PNRC1: variants seen among roughly 807,000 people sequenced by gnomAD.
PNRC1 encodes the protein proline-rich nuclear receptor coactivator 1.
PNRC1 carries 6 observed loss-of-function variants against 20.2 expected under a neutral mutation model. The observed-to-expected ratio is 0.30, with a 90% confidence interval of 0.16 to 0.59. The LOEUF is 0.59. Ranked by LOEUF, PNRC1 falls within the 20% of genes least tolerant of loss-of-function variation. PNRC1 has a pLI of 0.89. For synonymous variants in PNRC1, 202 were observed against 186.9 expected (o/e 1.08, Z -0.66); for missense variants, 488 against 430.2 (o/e 1.13, Z -1.19).
Position 89,084,134 on chromosome 6 carries a change from T to A in PNRC1, c.922T>A (p.Ser308Thr), listed in dbSNP as rs776864340. The A allele has an allele frequency of 6.2e-6, 10 of 1,610,492 alleles. No homozygotes were observed. The highest frequency in any genetic ancestry group is 6.8e-6 in the Non-Finnish European group (8 of 1,179,082). The change falls in exon 2 of 2, where the codon TCC becomes ACC. Residue 308 changes from serine (S) to threonine (T), a missense_variant. Physicochemically the swap from Ser to Thr is moderately conservative, Grantham distance 58. Coordinates refer to ENST00000336032, the MANE Select transcript of PNRC1 (RefSeq NM_006813.3). Reference sequence around the variant, plus strand: ...CTGGATGGGAAGCACTGTTGAAAATTCCAACCAAAACAGGGAGCTGATGGC... The same window carrying A: ...CTGGATGGGAAGCACTGTTGAAAATACCAACCAAAACAGGGAGCTGATGGC... ...SHWMGSTVENSNQNRELMAVH... is the reference protein window; with the variant it reads ...SHWMGSTVENTNQNRELMAVH...
chr6:89,081,306 C>T lies in PNRC1; in HGVS notation c.412C>T (p.Gln138Ter). The change falls in exon 1 of 2, where the codon CAG becomes TAG. Residue 138 changes from glutamine (Q) to a stop codon, truncating the protein, a stop_gained. Coordinates refer to ENST00000336032, the MANE Select transcript of PNRC1 (RefSeq NM_006813.3). LOFTEE classifies it high-confidence loss of function. ...RSPATGPSGA[Q>*]EVPGPAAALA... ...CCCCGCGACCGGCCCGAGCGGAGCG[C>T]AGGAGGTCCCGGGCCCGGCCGCCGC... is the stretch of plus-strand genomic sequence containing the variant. The T allele has an allele frequency of 6.7e-7, 1 of 1,487,424 alleles. No homozygotes were observed. Among genetic ancestry groups the T allele is most frequent in the South Asian group, 1.3e-5 (1 of 78,026 alleles). 92.1% of individuals were successfully genotyped at this position (1,487,424 alleles called of 1,614,324 possible).
At position 89,083,826 on chromosome 6, in the gene PNRC1, T is replaced by C; in HGVS notation, c.614T>C (p.Leu205Ser). ...GGCCAGCTTGTTCATGGTATACACTTGTATGAGCAACCAAAGATAAACAGA... is the reference window on the plus strand; with the variant it reads ...GGCCAGCTTGTTCATGGTATACACTCGTATGAGCAACCAAAGATAAACAGA... ...PHGQLVHGIH[L>S]YEQPKINRQK... Residue 205 changes from leucine to serine, a missense_variant, in exon 2 of 2, where the codon TTG (leucine) becomes TCG (serine). Coordinates refer to ENST00000336032, the MANE Select transcript of PNRC1 (RefSeq NM_006813.3). 1.2e-6 allele frequency: 2 copies of C among 1,613,992 alleles called. No individual in the cohort carries two copies. The highest frequency in any genetic ancestry group is 8.5e-7 in the Non-Finnish European group (1 of 1,179,944).
Position 89,083,254 on chromosome 6 carries a change from C to CA in PNRC1, c.541-496dup, listed in dbSNP as rs2127985880. On this transcript the variant is annotated intron_variant, in intron 1 of 1. Transcript: ENST00000336032. Reference sequence around the variant, plus strand: ...GAGCGATCTGCTTGCCTTGACCTCCCAAAGTGCTGGGATTACAGGCGTGAG... The same window carrying CA: ...GAGCGATCTGCTTGCCTTGACCTCCCAAAAGTGCTGGGATTACAGGCGTGAG... 1.3e-5 allele frequency among the ~76,000 whole-genome samples: 2 copies of CA among 152,342 alleles called. 1 individual carries two copies. The highest frequency in any genetic ancestry group is 4.1e-4 in the South Asian group (2 of 4,832).
intron 1 of PNRC1, among the ~76,000 whole-genome samples, 189 bp downstream of exon 1, chr6:89,081,623 G>GA (rs1768000145): frequency 6.6e-6 from 1 of 152,072 alleles, no homozygotes; most frequent in Non-Finnish European, 1.5e-5. Flanking sequence ...GGGGGAAGGG[G>GA]AGGCATGCGC....
At position 89,080,873 on chromosome 6, in the gene PNRC1, G is replaced by C; in HGVS notation, c.-22G>C. On this transcript the variant is annotated 5_prime_UTR_variant, in exon 1 of 2. Coordinates refer to ENST00000336032, the MANE Select transcript of PNRC1 (RefSeq NM_006813.3). ...ACCTTCTCCTTCTCTCTTCGTTGCT[G>C]AGCGACAAGCTTCCTAGCGCTATGA... The C allele has an allele frequency of 1.2e-6, 2 of 1,606,470 alleles. No homozygotes were observed. The highest frequency in any genetic ancestry group is 1.7e-6 in the Non-Finnish European group (2 of 1,179,588).
At position 89,080,983 on chromosome 6, in the gene PNRC1, G is replaced by C; in HGVS notation, c.89G>C (p.Gly30Ala). The change falls in exon 1 of 2, where the codon GGG becomes GCG. Residue 30 changes from glycine (G) to alanine (A), a missense_variant. Physicochemically the swap from Gly to Ala is moderately conservative, Grantham distance 60 (BLOSUM62 0). Transcript: ENST00000336032. ...PLGFSSRGYF[G>A]ALPMVTTAPP... Reference sequence around the variant, plus strand: ...GGCTTTTCCTCCCGAGGTTACTTTGGGGCCCTCCCGATGGTGACCACGGCT... The same window carrying C: ...GGCTTTTCCTCCCGAGGTTACTTTGCGGCCCTCCCGATGGTGACCACGGCT... 6.2e-7 allele frequency: 1 copy of C among 1,613,220 alleles called. No homozygotes were observed. The highest frequency in any genetic ancestry group is 8.5e-7 in the Non-Finnish European group (1 of 1,180,002).
At chr6:89,081,910 C>T (rs1288687609) in intron 1 of PNRC1, 1 of 152,404 alleles carries the variant, frequency 6.6e-6, no homozygotes, top group Non-Finnish European at 1.5e-5. Context: ...GAGCCCCAGT[C>T]CTAGTCGGTG....
At chr6:89,081,632 G>T (rs1247656326) in intron 1 of PNRC1, among the ~76,000 whole-genome samples, 198 bp downstream of exon 1, 1 of 152,026 alleles carries the variant, frequency 6.6e-6, no homozygotes, top group East Asian at 1.9e-4. Flanking sequence ...GGAGGCATGC[G>T]CTGGCGCTTC....
Position 89,084,231 on chromosome 6 carries a change from T to C in PNRC1, c.*35T>C, listed in dbSNP as rs1266361955. On this transcript the variant is annotated 3_prime_UTR_variant, in exon 2 of 2. Coordinates refer to ENST00000336032, the MANE Select transcript of PNRC1 (RefSeq NM_006813.3). Reference sequence around the variant, plus strand: ...TTCAGTATGTGTGTAAAACATAATTTTTCCCATATCCCTGGACTCTTGAGA... The same window carrying C: ...TTCAGTATGTGTGTAAAACATAATTCTTCCCATATCCCTGGACTCTTGAGA... 6.9e-7 allele frequency: 1 copy of C among 1,442,294 alleles called. No individual in the cohort carries two copies. The highest frequency in any genetic ancestry group is 1.3e-5 in the South Asian group (1 of 74,980). 89.3% of individuals were successfully genotyped at this position (1,442,294 alleles called of 1,614,324 possible).
rs1767983091 is a variant in PNRC1 at position 89,081,311 on chromosome 6, G to A, written c.417G>A (p.Glu139=). ...SPATGPSGAQ[E]VPGPAAALAP... ...CGACCGGCCCGAGCGGAGCGCAGGA[G>A]GTCCCGGGCCCGGCCGCCGCCTTGG... The change falls in exon 1 of 2, where the codon GAG becomes GAA. Residue 139 remains glutamate, a synonymous_variant. Coordinates refer to ENST00000336032, the MANE Select transcript of PNRC1 (RefSeq NM_006813.3). 1.3e-6 allele frequency: 2 copies of A among 1,481,596 alleles called. No individual in the cohort carries two copies. Among genetic ancestry groups the A allele is most frequent in the African/African-American group, 1.5e-5 (1 of 67,888 alleles). 91.8% of individuals were successfully genotyped at this position (1,481,596 alleles called of 1,614,324 possible).
chr6:89,083,627 C>G lies in PNRC1; in HGVS notation c.541-126C>G, dbSNP rs548744784. On this transcript the variant is annotated intron_variant, in intron 1 of 1. Transcript: ENST00000336032. ...GCTACATACGTGTTGTCACAAAGAACATAATTTTGTTCTTTTCTATGGCTG... is the reference window on the plus strand; with the variant it reads ...GCTACATACGTGTTGTCACAAAGAAGATAATTTTGTTCTTTTCTATGGCTG... 19 of 667,436 alleles carry G rather than the reference C, an allele frequency of 2.8e-5. No homozygotes were observed. The South Asian group carries it at 3.7e-4, about 13-fold the overall frequency. The allele number at this position is 667,436 out of a possible 1,614,324, so 41.3% of individuals were successfully genotyped here.
rs149150276 is a variant in PNRC1, at chr6:89,084,355, T to G, written c.*159T>G. The stretch of plus-strand genomic sequence containing the variant: ...CAAACAGCTTGTATTATATTTTATA[T>G]TTTGTAAATACTGTATACCATGTAT... On this transcript the variant is annotated 3_prime_UTR_variant, in exon 2 of 2. Coordinates refer to ENST00000336032, the MANE Select transcript of PNRC1 (RefSeq NM_006813.3). 1.7e-4 allele frequency: 97 copies of G among 580,740 alleles called. 1 individual carries two copies. In the East Asian group the frequency reaches 2.5e-3, roughly 15 times the overall value. 36.0% of individuals were successfully genotyped at this position (580,740 alleles called of 1,614,324 possible).
At position 89,084,308 on chromosome 6, in the gene PNRC1, G is replaced by T. The variant is rs1485589905; in HGVS notation, c.*112G>T. 1 of 662,970 alleles carries T rather than the reference G, an allele frequency of 1.5e-6. No homozygotes were observed. Among genetic ancestry groups the T allele is most frequent in the South Asian group, 2.3e-5 (1 of 44,286 alleles). 41.1% of individuals were successfully genotyped at this position (662,970 alleles called of 1,614,324 possible). The stretch of plus-strand genomic sequence containing the variant: ...CTTGTTGCAACATACAATTGCAAAA[G>T]ATGAGTTTAAAAAATTACATACAAA... On this transcript the variant is annotated 3_prime_UTR_variant, in exon 2 of 2. Coordinates refer to ENST00000336032, the MANE Select transcript of PNRC1 (RefSeq NM_006813.3).
At chr6:89,081,614 G>A (rs896954687) in intron 1 of PNRC1, among the ~76,000 whole-genome samples, 180 bp downstream of exon 1, 1 of 152,012 alleles carries the variant, frequency 6.6e-6, no homozygotes, top group Admixed American at 6.5e-5. Flanking sequence ...GGGGAAGAAG[G>A]GGGAAGGGGA....
At position 89,081,080 on chromosome 6, in the gene PNRC1, G is replaced by C; in HGVS notation, c.186G>C (p.Gly62=). 2.5e-6 allele frequency: 4 copies of C among 1,610,166 alleles called. No individual in the cohort carries two copies. The South Asian group carries it at 4.4e-5, about 18-fold the overall frequency. Residue 62 remains glycine (G), a synonymous_variant, in exon 1 of 2, where the codon GGG becomes GGC. Transcript: ENST00000336032. ...PPTLFLPHFL[G]GDGPCLTPQP... ...CCCTCTTCCTCCCTCATTTCCTAGG[G>C]GGAGATGGCCCGTGTCTGACCCCCC...
Position 89,083,872 on chromosome 6 carries a change from G to T in PNRC1, c.660G>T (p.Leu220Phe), listed in dbSNP as rs757427555. The T allele has an allele frequency of 1.9e-6, 3 of 1,614,056 alleles. No individual in the cohort carries two copies. Among genetic ancestry groups the T allele is most frequent in the Non-Finnish European group, 2.5e-6 (3 of 1,179,978 alleles). The change falls in exon 2 of 2, where the codon TTG (leucine) becomes TTT (phenylalanine). Residue 220 changes from leucine to phenylalanine, a missense_variant. By Grantham distance (22) the Leu-to-Phe change is conservative. Coordinates refer to ENST00000336032, the MANE Select transcript of PNRC1 (RefSeq NM_006813.3). ...ACAGACAGAAAAGCAAATATAACTT[G>T]CCACTAACCAAGATCACCTCTGCAA... ...KINRQKSKYN[L>F]PLTKITSAKR...
Position 89,084,809 on chromosome 6 carries a change from A to T in PNRC1, c.*613A>T, listed in dbSNP as rs1768081585. The T allele has an allele frequency of 6.6e-6, 1 of 152,286 alleles. No individual in the cohort carries two copies. The highest frequency in any genetic ancestry group is 1.5e-5 in the Non-Finnish European group (1 of 68,034). The allele number at this position is 152,286 out of a possible 1,614,324, so 9.4% of individuals were successfully genotyped here. ...AAATTGGTTGTAATCAAATTTTAAA[A>T]TAATAATAATTTGGCCCCCCCTTTT... On this transcript the variant is annotated 3_prime_UTR_variant, in exon 2 of 2. Transcript: ENST00000336032.
chr6:89,081,107 G>A lies in PNRC1; in HGVS notation c.213G>A (p.Gln71=). 6.2e-7 allele frequency: 1 copy of A among 1,608,864 alleles called. No homozygotes were observed. The highest frequency in any genetic ancestry group is 2.2e-5 in the East Asian group (1 of 44,860). ...LGGDGPCLTP[Q]PRAPAALPNR... ...GAGATGGCCCGTGTCTGACCCCCCA[G>A]CCTCGCGCTCCAGCAGCTCTGCCCA... Residue 71 remains glutamine, a synonymous_variant, in exon 1 of 2, where the codon CAG becomes CAA. Coordinates refer to ENST00000336032, the MANE Select transcript of PNRC1 (RefSeq NM_006813.3).
At chr6:89,081,599 C>T (rs1582235774) in intron 1 of PNRC1, among the ~76,000 whole-genome samples, 165 bp downstream of exon 1, 1 of 151,666 alleles carries the variant, frequency 6.6e-6, no homozygotes, top group South Asian at 2.1e-4. Flanking sequence ...TCCATTCTTG[C>T]TTTGGGGGAA....
Sources: gnomAD v4.1 joint callset for allele counts (sites outside exome capture counted in the v4.1 genomes callset) on GRCh38, gnomAD v4.1.1 for gene constraint, MANE v1.5 for transcripts, NCBI Gene and HGNC (gene_info 2026-07-23, HGNC 2026-07-21) for gene names.